Variants in TMCC2 observed in about 807,000 individuals in gnomAD.
TMCC2 encodes the protein transmembrane and coiled-coil domains protein 2.
In TMCC2, 16 loss-of-function variants were observed where a neutral mutation model predicts 49.4. The observed-to-expected ratio is 0.32, with a 90% confidence interval of 0.22 to 0.49. The LOEUF (loss-of-function observed/expected upper bound fraction) is 0.49, where lower values mean the gene tolerates loss of function less well. Among genes scored for constraint, TMCC2 ranks in the 20% least tolerant of loss-of-function variants. The pLI, the probability that TMCC2 is intolerant of heterozygous loss-of-function variation, is 0.99. For missense variants in TMCC2, 762 were observed against 989.8 expected (o/e 0.77, Z 3.09); for synonymous variants, 397 against 434.1 (o/e 0.91, Z 1.06).
chr1:205,237,603 G>A (rs1371058286), intron 1 of TMCC2, among the ~76,000 whole-genome samples: 1 of 152,238 alleles, frequency 6.6e-6, no homozygotes, highest in African/African-American at 2.4e-5. Flanking sequence ...TAACCAGATG[G>A]TGCCAATGAC....
intron 2 of TMCC2, among the ~76,000 whole-genome samples, chr1:205,245,596 T>C (rs1455613186): frequency 6.6e-6 from 1 of 152,228 alleles, no homozygotes; most frequent in Admixed American, 6.5e-5. Flanking sequence ...GTTTCTCAAG[T>C]TCTTGTGCAT....
Position 205,271,808 on chromosome 1 carries a change from T to A in TMCC2, c.1819-5T>A, listed in dbSNP as rs752409395. 1.2e-6 allele frequency: 2 copies of A among 1,607,708 alleles called. No individual in the cohort carries two copies. Among genetic ancestry groups the A allele is most frequent in the South Asian group, 2.2e-5 (2 of 90,990 alleles). On this transcript the variant is annotated splice_region_variant and splice_polypyrimidine_tract_variant and intron_variant, in intron 4 of 4. Transcript: ENST00000358024. ...GCACACATGCCAGCCCCTCTGCCCC[T>A]GCAGGAGGCCGTGGAGTCCTGCCTG...
intron 1 of TMCC2, among the ~76,000 whole-genome samples, chr1:205,238,695 C>A (rs1365502413): frequency 6.6e-6 from 1 of 152,174 alleles, no homozygotes; most frequent in Admixed American, 6.5e-5. Flanking sequence ...GGGACACATG[C>A]AAATACCCTA....
intron 1 of TMCC2, among the ~76,000 whole-genome samples, chr1:205,231,250 C>A (rs1260486099): frequency 6.6e-6 from 1 of 151,964 alleles, no homozygotes; most frequent in Non-Finnish European, 1.5e-5. Flanking sequence ...CTTTTCCGAG[C>A]CTTTTTCTGG....
At chr1:205,232,447 C>T (rs1195390310) in intron 1 of TMCC2, among the ~76,000 whole-genome samples, 1 of 152,166 alleles carries the variant, frequency 6.6e-6, no homozygotes, top group Non-Finnish European at 1.5e-5. Context: ...CCTTATTGCC[C>T]AGCCTTTTGC....
rs189682203 is a variant in TMCC2, at chr1:205,271,450, C to T, written c.1818+195C>T. ...AGCAAGACAGGCCTGAGGCTGACAG[C>T]GTGCACTGTGCAGAGGCAAGCCCAC... On this transcript the variant is annotated intron_variant, in intron 4 of 4. Coordinates refer to ENST00000358024, the MANE Select transcript of TMCC2 (RefSeq NM_014858.4). 836 of 902,964 alleles carry T rather than the reference C, an allele frequency of 9.3e-4. 6 individuals carry two copies. In the African/African-American group the frequency reaches 0.012, roughly 13 times the overall value. 55.9% of individuals were successfully genotyped at this position (902,964 alleles called of 1,614,324 possible). A position where few individuals can be genotyped will look rare whatever the true frequency, so the allele number is the denominator to read the frequency against.
Position 205,241,946 on chromosome 1 carries a change from C to G in TMCC2, c.649C>G (p.Arg217Gly). The change falls in exon 2 of 5, where the codon CGT becomes GGT. Residue 217 changes from arginine to glycine, a missense_variant. This residue lies in a region of TMCC2 where 322 missense variants were observed against 353.1 expected (regional missense o/e 0.91). Coordinates refer to ENST00000358024, the MANE Select transcript of TMCC2 (RefSeq NM_014858.4). This position sits in a 1 kb window ranked among gnomAD's most constrained non-coding sequence, Gnocchi z 7.3. ...LAAILHQHQC[R>G]PRSSSTTDTA... ...CGCCATCCTGCACCAGCACCAGTGC[C>G]GTCCCCGCTCTTCCTCCACCACCGA... 1 of 1,611,494 alleles carries G rather than the reference C, an allele frequency of 6.2e-7. No homozygotes were observed. The highest frequency in any genetic ancestry group is 8.5e-7 in the Non-Finnish European group (1 of 1,179,854).
intron 1 of TMCC2, chr1:205,233,727 C>T (rs1446383577): frequency 2.0e-5 from 3 of 152,008 alleles, no homozygotes; most frequent in Non-Finnish European, 4.4e-5. Flanking sequence ...GACACCTCAT[C>T]TACCCAAGTC....
At chr1:205,244,333 T>C (rs1660378981) in intron 2 of TMCC2, among the ~76,000 whole-genome samples, 1 of 151,974 alleles carries the variant, frequency 6.6e-6, no homozygotes, top group South Asian at 2.1e-4. Flanking sequence ...AGTGAGTAGG[T>C]GAAAGGGTGT....
chr1:205,271,358 G>A (rs1312535851), intron 4 of TMCC2, 103 bp downstream of exon 4: 21 of 1,587,688 alleles, frequency 1.3e-5, no homozygotes, highest in Non-Finnish European at 1.7e-5. Flanking sequence ...GACACAGGCT[G>A]GCCTGTTGGC....
chr1:205,235,798 G>T (rs1044367135), intron 1 of TMCC2, among the ~76,000 whole-genome samples: 1 of 152,096 alleles, frequency 6.6e-6, no homozygotes, highest in East Asian at 1.9e-4. Flanking sequence ...GGCTGGGCGC[G>T]GTGGCTCACG....
chr1:205,267,876 C>T (rs1661408741), intron 2 of TMCC2: 1 of 985,292 alleles, frequency 1.0e-6, no homozygotes. Flanking sequence ...AGCCTCAGGC[C>T]CCCAAACTGG....
chr1:205,271,188 A>T lies in TMCC2; in HGVS notation c.1751A>T (p.Lys584Met), dbSNP rs1415859656. 16 of 1,614,104 alleles carry T rather than the reference A, an allele frequency of 9.9e-6. No individual in the cohort carries two copies. The highest frequency in any genetic ancestry group is 1.3e-5 in the Non-Finnish European group (15 of 1,180,036). ...ELHQNEMTNL[K>M]QELASMEEKV... The stretch of plus-strand genomic sequence containing the variant: ...CATCAGAACGAGATGACGAACCTGA[A>T]GCAGGAGCTGGCCAGCATGGAGGAG... Residue 584 changes from lysine to methionine, a missense_variant, in exon 4 of 5, where the codon AAG becomes ATG. Lys to Met is a moderately conservative substitution (Grantham distance 95). Around this residue, in one of 2 missense-constraint regions of TMCC2, gnomAD observed 440 missense variants for 636.7 expected, o/e 0.69. Coordinates refer to ENST00000358024, the MANE Select transcript of TMCC2 (RefSeq NM_014858.4).
At chr1:205,245,474 C>T (rs908106754) in intron 2 of TMCC2, among the ~76,000 whole-genome samples, 12 of 152,272 alleles carry the variant, frequency 7.9e-5, no homozygotes, top group Middle Eastern at 3.4e-3. Context: ...GATTTTCCAG[C>T]GTCAGAGTTC....
In TMCC2 at chr1:205,241,458, A is replaced by G. The variant is rs368489000; in HGVS notation, c.208-47A>G. ...CCTTCACCCTCCTACTGACTAGGCA[A>G]TCAAGAGCTTTCCACTCACCAGGGT... On this transcript the variant is annotated intron_variant, in intron 1 of 4. Transcript: ENST00000358024. The surrounding 1 kb of genome is among the most constrained non-coding windows in gnomAD (Gnocchi z 7.3). 14 of 1,589,416 alleles carry G rather than the reference A, an allele frequency of 8.8e-6. No individual in the cohort carries two copies. The African/African-American group carries it at 1.9e-4, about 21-fold the overall frequency.
chr1:205,246,654 ACT>A, intron 2 of TMCC2: 3 of 1,550,376 alleles, frequency 1.9e-6, no homozygotes, highest in South Asian at 1.2e-5. Flanking sequence ...ATGAGCAGAC[ACT>A]CTGCATGTAG....
intron 1 of TMCC2, among the ~76,000 whole-genome samples, chr1:205,230,996 A>AAC (rs1201079316): frequency 2.4e-3 from 7 of 2,884 alleles, no homozygotes; most frequent in Non-Finnish European, 3.5e-3. Context: ...CCATCCCCCC[A>AAC]TCCCCCCCCC....
At chr1:205,269,944 C>G (rs1661514754) in intron 3 of TMCC2, 60 bp downstream of exon 3, 1 of 1,534,368 alleles carries the variant, frequency 6.5e-7, no homozygotes. Flanking sequence ...GCAAGGAGCA[C>G]TGGGTTTCAG....
At chr1:205,234,418 C>G (rs1659947721) in intron 1 of TMCC2, among the ~76,000 whole-genome samples, 1 of 152,054 alleles carries the variant, frequency 6.6e-6, no homozygotes, top group Non-Finnish European at 1.5e-5. Flanking sequence ...TGCACTCCAG[C>G]CTGGGCGACA....
Sources: gnomAD v4.1 joint callset for allele counts (sites outside exome capture counted in the v4.1 genomes callset) on GRCh38, gnomAD v4.1.1 for gene constraint, gnomAD v4.1.1 regional missense constraint, Gnocchi (gnomAD v3.1) non-coding constraint, MANE v1.5 for transcripts, NCBI Gene and HGNC (gene_info 2026-07-23, HGNC 2026-07-21) for gene names.